Variants in PODN observed in about 807,000 individuals in gnomAD.
PODN encodes the protein podocan.
PODN carries 40 observed loss-of-function variants against 52.7 expected under a neutral mutation model. That is an observed-to-expected ratio of 0.76 (90% CI 0.59 to 0.99). PODN has a LOEUF of 0.99. Among genes scored for constraint, PODN ranks in the 50% least tolerant of loss-of-function variants. The probability of loss-of-function intolerance (pLI) is 0.00; values close to 1 mark genes in which losing one functional copy is unlikely to be tolerated. For missense variants in PODN, 720 were observed against 815.1 expected (o/e 0.88, Z 1.42); for synonymous variants, 396 against 377.9 (o/e 1.05, Z -0.56).
At chr1:53,079,829 T>C (rs1186486065) in intron 8 of PODN, among the ~76,000 whole-genome samples, 1 of 151,654 alleles carries the variant, frequency 6.6e-6, no homozygotes, top group African/African-American at 2.4e-5. Context: ...ACCTCATCTC[T>C]ACAAAAAAAT....
In PODN at chr1:53,077,895, C is replaced by T. The variant is rs887477673; in HGVS notation, c.854+95C>T. The T allele has an allele frequency of 3.8e-5, 35 of 930,368 alleles. No individual in the cohort carries two copies. In the Admixed American group the frequency reaches 6.7e-4, roughly 18 times the overall value. The allele number at this position is 930,368 out of a possible 1,614,324, so 57.6% of individuals were successfully genotyped here. A position where few individuals can be genotyped will look rare whatever the true frequency, so the allele number is the denominator to read the frequency against. ...CCAGCCCAGCCCAGCCCCTCACGCA[C>T]GTCCCCTGCCCACCTTCCCTGGAGA... On this transcript the variant is annotated intron_variant, in intron 7 of 10. Coordinates refer to ENST00000312553, the MANE Select transcript of PODN (RefSeq NM_153703.5).
chr1:53,074,565 CT>C, intron 3 of PODN, 40 bp from the exon 4 acceptor site: 1 of 1,611,898 alleles, frequency 6.2e-7, no homozygotes, highest in Non-Finnish European at 8.5e-7. Flanking sequence ...CCTGTGGCGT[CT>C]CCTCCATCCA....
intron 8 of PODN, among the ~76,000 whole-genome samples, chr1:53,080,072 A>G (rs1288392): frequency 0.88 from 131,854 of 149,110 alleles, 58,861 homozygotes; most frequent in Middle Eastern, 0.99. Flanking sequence ...CAGTTTAGGC[A>G]CTGCCCAGTG....
chr1:53,064,921 G>A (rs1287350305), intron 1 of PODN, among the ~76,000 whole-genome samples: 1 of 152,210 alleles, frequency 6.6e-6, no homozygotes, highest in Non-Finnish European at 1.5e-5. Flanking sequence ...TGCTGGCTGA[G>A]CTTCCCCGCT....
chr1:53,074,708 G>C, intron 4 of PODN, 38 bp downstream of exon 4: 1 of 1,595,850 alleles, frequency 6.3e-7, no homozygotes, highest in Non-Finnish European at 8.6e-7. Flanking sequence ...TTGCTGCCCT[G>C]TCCTCTAGGC....
At chr1:53,074,839 A>G (rs745659602) in intron 4 of PODN, among the ~76,000 whole-genome samples, 169 bp downstream of exon 4, 50 of 152,200 alleles carry the variant, frequency 3.3e-4, no homozygotes, top group Admixed American at 2.3e-3. Flanking sequence ...CCCCATGCCT[A>G]TAACTCAGGG....
intron 1 of PODN, among the ~76,000 whole-genome samples, chr1:53,067,622 A>G (rs958017964): frequency 5.3e-5 from 8 of 152,164 alleles, no homozygotes; most frequent in African/African-American, 1.9e-4. Flanking sequence ...TGGGTCAGAA[A>G]GCCCAAACGA....
chr1:53,068,534 C>T (rs1427343875), intron 1 of PODN, among the ~76,000 whole-genome samples: 1 of 152,212 alleles, frequency 6.6e-6, no homozygotes, highest in Non-Finnish European at 1.5e-5. Flanking sequence ...CACCTAATTG[C>T]ATCACCTTAT....
rs78098806 is a variant in PODN, at chr1:53,071,309, G to C, written c.313-226G>C. 3,588 of 469,010 alleles carry C rather than the reference G, an allele frequency of 7.7e-3. 98 individuals carry two copies. The highest frequency in any genetic ancestry group is 0.064 in the African/African-American group (3,226 of 50,498). The allele number at this position is 469,010 out of a possible 1,614,324, so 29.1% of individuals were successfully genotyped here. Reference sequence around the variant, plus strand: ...GTAGATGTCCATGTGTGGGCTCCCTGAAGGCAGGACCCACACTCCTGTTGT... The same window carrying C: ...GTAGATGTCCATGTGTGGGCTCCCTCAAGGCAGGACCCACACTCCTGTTGT... On this transcript the variant is annotated intron_variant, in intron 2 of 10. Coordinates refer to ENST00000312553, the MANE Select transcript of PODN (RefSeq NM_153703.5).
At chr1:53,082,910 G>C (rs965894004) in intron 10 of PODN, among the ~76,000 whole-genome samples, 2 of 152,144 alleles carry the variant, frequency 1.3e-5, no homozygotes, top group Non-Finnish European at 2.9e-5. Context: ...ACACCCATGC[G>C]TACCCACGTA....
At chr1:53,067,965 G>A (rs558969484) in intron 1 of PODN, among the ~76,000 whole-genome samples, 3 of 150,576 alleles carry the variant, frequency 2.0e-5, no homozygotes, top group East Asian at 3.9e-4. Context: ...ATCTAGACAA[G>A]GGAAGGAAAA....
intron 3 of PODN, among the ~76,000 whole-genome samples, chr1:53,072,012 A>G (rs1406798579): frequency 1.3e-5 from 2 of 151,970 alleles, no homozygotes; most frequent in Non-Finnish European, 2.9e-5. Flanking sequence ...GCATATGCTC[A>G]TAAGTCATTC....
chr1:53,063,578 C>T (rs752320460), intron 1 of PODN: 31 of 985,422 alleles, frequency 3.1e-5, no homozygotes, highest in Non-Finnish European at 3.7e-5. Context: ...CTCAGAAGAG[C>T]CCGTGGACTG....
At chr1:53,079,113 G>A in intron 8 of PODN, 91 bp downstream of exon 8, 6 of 1,398,412 alleles carry the variant, frequency 4.3e-6, no homozygotes, top group Non-Finnish European at 5.6e-6. Context: ...GTGAGGAGAA[G>A]GGCTGGGTGG....
At chr1:53,071,399 G>T in intron 2 of PODN, 136 bp from the exon 3 acceptor site, 1 of 739,300 alleles carries the variant, frequency 1.4e-6, no homozygotes, top group Admixed American at 2.9e-5. Flanking sequence ...GGGGTCTGCT[G>T]CCATGGGGGA....
At chr1:53,080,030 C>G (rs1644259180) in intron 8 of PODN, among the ~76,000 whole-genome samples, 1 of 125,552 alleles carries the variant, frequency 8.0e-6, no homozygotes, top group South Asian at 2.5e-4. Flanking sequence ...GGAAACTCAT[C>G]AGAGAACCTG....
intron 3 of PODN, among the ~76,000 whole-genome samples, chr1:53,072,408 G>T (rs1644132543): frequency 1.3e-5 from 2 of 152,178 alleles, no homozygotes; most frequent in Non-Finnish European, 1.5e-5. Context: ...AGTTGTGGGA[G>T]GCTGTACAAG....
chr1:53,067,383 G>A (rs1045712936), intron 1 of PODN, among the ~76,000 whole-genome samples: 3 of 152,054 alleles, frequency 2.0e-5, no homozygotes, highest in African/African-American at 2.4e-5. Context: ...TATTGGTACC[G>A]GGGTCTGTTG....
chr1:53,077,878 G>C, intron 7 of PODN, 78 bp downstream of exon 7: 1 of 1,216,820 alleles, frequency 8.2e-7, no homozygotes, highest in Non-Finnish European at 1.2e-6. Flanking sequence ...ATCCAGCCCA[G>C]CCCAGCCCCT....
Sources: allele counts gnomAD v4.1 joint callset (sites outside exome capture counted in the v4.1 genomes callset), GRCh38; gene constraint gnomAD v4.1.1; transcripts MANE v1.5; gene names NCBI Gene and HGNC (gene_info 2026-07-23, HGNC 2026-07-21).